PAPOLG: variants seen among roughly 807,000 people sequenced by gnomAD.
The protein encoded by PAPOLG is PAP-gamma.
A neutral mutation model predicts 99.0 loss-of-function variants in PAPOLG; 40 were observed. The observed-to-expected ratio is 0.40, with a 90% CI of 0.31 to 0.53. The LOEUF (loss-of-function observed/expected upper bound fraction) is 0.53. Ranked by LOEUF, PAPOLG falls within the 20% of genes least tolerant of loss-of-function variation. The pLI is 0.41. For synonymous variants in PAPOLG, 310 were observed against 299.3 expected (o/e 1.04, Z -0.37); for missense variants, 675 against 884.1 (o/e 0.76, Z 3.00).
intron 1 of PAPOLG, among the ~76,000 whole-genome samples, chr2:60,759,303 G>C (rs1670451954): frequency 6.6e-6 from 1 of 152,008 alleles, no homozygotes; most frequent in Non-Finnish European, 1.5e-5. Context: ...AGGAGGCAGA[G>C]GTTGCAGTGA....
chr2:60,776,192 G>T (rs11687951), intron 8 of PAPOLG, among the ~76,000 whole-genome samples: 1 of 152,028 alleles, frequency 6.6e-6, no homozygotes, highest in East Asian at 1.9e-4. Flanking sequence ...GAGCTCGTGG[G>T]TGACTAGGTG....
At chr2:60,789,729 A>G (rs1573252712) in intron 15 of PAPOLG, among the ~76,000 whole-genome samples, 1 of 152,326 alleles carries the variant, frequency 6.6e-6, no homozygotes. Flanking sequence ...ATACTATTAA[A>G]GGTATTGGCT....
At chr2:60,783,500 C>CGGCCTT (rs1671261562) in intron 13 of PAPOLG, among the ~76,000 whole-genome samples, 1 of 45,364 alleles carries the variant, frequency 2.2e-5, no homozygotes, top group Non-Finnish European at 4.4e-5. Context: ...TTTACCCGGC[C>CGGCCTT]TTTTTTTTTT....
rs1671810778 is a variant in PAPOLG, at chr2:60,800,022, G to A, written c.*2862G>A. On this transcript the variant is annotated 3_prime_UTR_variant, in exon 22 of 22. Transcript: ENST00000238714. Reference sequence around the variant, plus strand: ...ATAGACACATGTTCATTTTCACAAGGGCATTACATTTTAATTTGCTCATTT... The same window carrying A: ...ATAGACACATGTTCATTTTCACAAGAGCATTACATTTTAATTTGCTCATTT... The A allele has an allele frequency of 6.6e-6, 1 of 152,226 alleles. No homozygotes were observed. 9.4% of individuals were successfully genotyped at this position (152,226 alleles called of 1,614,324 possible).
chr2:60,775,965 A>G (rs2103788614), intron 8 of PAPOLG, among the ~76,000 whole-genome samples: 1 of 152,158 alleles, frequency 6.6e-6, no homozygotes, highest in Non-Finnish European at 1.5e-5. Flanking sequence ...GGGTTTCACC[A>G]TGTTTGTCAG....
chr2:60,774,687 CT>C (rs1309428510), intron 7 of PAPOLG, among the ~76,000 whole-genome samples: 4 of 152,142 alleles, frequency 2.6e-5, no homozygotes, highest in African/African-American at 9.7e-5. Context: ...CATTATTGCA[CT>C]TTGGTGTATT....
chr2:60,777,294 A>G (rs879371687), intron 8 of PAPOLG, among the ~76,000 whole-genome samples: 21 of 152,088 alleles, frequency 1.4e-4, no homozygotes, highest in African/African-American at 3.9e-4. Context: ...CCTCTCTACT[A>G]AAAATACAAA....
At chr2:60,756,864 C>T (rs969368247) in intron 1 of PAPOLG, among the ~76,000 whole-genome samples, 3 of 152,140 alleles carry the variant, frequency 2.0e-5, no homozygotes, top group Non-Finnish European at 4.4e-5. Flanking sequence ...TACCATCCCC[C>T]TGCCTCCCCC....
intron 3 of PAPOLG, among the ~76,000 whole-genome samples, chr2:60,762,115 A>G (rs112653941): frequency 1.3e-3 from 194 of 152,310 alleles, no homozygotes; most frequent in African/African-American, 4.5e-3. Flanking sequence ...AGATCTGGCA[A>G]TGCTGGGCCT....
Position 60,768,894 on chromosome 2 carries a change from A to C in PAPOLG, c.438+4A>C. ...AGATGGCATTAGAAACTTAAGAGTA[A>C]GTATCCTCTGGCATTTAATATTTTG... On this transcript the variant is annotated splice_donor_region_variant and intron_variant, in intron 5 of 21. Coordinates refer to ENST00000238714, the MANE Select transcript of PAPOLG (RefSeq NM_022894.4). The C allele has an allele frequency of 6.4e-7, 1 of 1,562,452 alleles. No individual in the cohort carries two copies. The highest frequency in any genetic ancestry group is 8.7e-7 in the Non-Finnish European group (1 of 1,153,054).
chr2:60,777,914 A>G (rs1671070778), intron 8 of PAPOLG, among the ~76,000 whole-genome samples: 1 of 152,216 alleles, frequency 6.6e-6, no homozygotes, highest in Admixed American at 6.5e-5. Flanking sequence ...ATCAAAGATC[A>G]CTAATCACAA....
chr2:60,768,897 A>G lies in PAPOLG; in HGVS notation c.438+7A>G, dbSNP rs376740760. The G allele has an allele frequency of 2.6e-6, 4 of 1,545,164 alleles. No individual in the cohort carries two copies. Among genetic ancestry groups the G allele is most frequent in the East Asian group, 2.3e-5 (1 of 44,036 alleles). ...TGGCATTAGAAACTTAAGAGTAAGT[A>G]TCCTCTGGCATTTAATATTTTGAAT... On this transcript the variant is annotated splice_region_variant and intron_variant, in intron 5 of 21. Transcript: ENST00000238714.
chr2:60,782,309 A>G (rs184266634), intron 11 of PAPOLG, among the ~76,000 whole-genome samples: 34 of 152,204 alleles, frequency 2.2e-4, no homozygotes, highest in Middle Eastern at 6.8e-3. Context: ...GCTCATGCCT[A>G]TAATCCTAGC....
chr2:60,795,212 C>A, intron 21 of PAPOLG, 192 bp downstream of exon 21: 1 of 661,748 alleles, frequency 1.5e-6, no homozygotes, highest in South Asian at 1.6e-5. Flanking sequence ...CCTCAAAAGT[C>A]TAAAAAAGAG....
Sources: allele counts gnomAD v4.1 joint callset (sites outside exome capture counted in the v4.1 genomes callset), GRCh38; gene constraint gnomAD v4.1.1; transcripts MANE v1.5; gene names NCBI Gene and HGNC (gene_info 2026-07-23, HGNC 2026-07-21).